The following MEF2C variants were observed in gnomAD, a reference collection of about 807,000 sequenced individuals.
MEF2C encodes the protein myocyte-specific enhancer factor 2C.
MEF2C carries 6 observed loss-of-function variants against 50.5 expected under a neutral mutation model. The observed-to-expected ratio is 0.12, with a 90% CI of 0.07 to 0.23. The LOEUF (loss-of-function observed/expected upper bound fraction) is 0.23. Among genes scored for constraint, MEF2C ranks in the 10% least tolerant of loss-of-function variants. The probability of loss-of-function intolerance (pLI) is 1.00; values close to 1 mark genes in which losing one functional copy is unlikely to be tolerated. For synonymous variants in MEF2C, 183 were observed against 228.0 expected, an observed-to-expected ratio of 0.80 and a Z score of 1.78; for missense variants, 276 against 605.0, an observed-to-expected ratio of 0.46 and a Z score of 5.70.
chr5:88,768,729 T>C (rs1184715648), intron 3 of MEF2C: 1 of 983,662 alleles, frequency 1.0e-6, no homozygotes, highest in Admixed American at 6.2e-5. Context: ...CTCAGTGCAG[T>C]ATTTTGCAAC....
At chr5:88,735,640 G>A (rs1763758369) in intron 6 of MEF2C, 4 of 983,956 alleles carry the variant, frequency 4.1e-6, no homozygotes, top group Non-Finnish European at 4.8e-6. Context: ...CTGGTTACAA[G>A]TTTGTATATA....
chr5:88,896,902 A>C (rs1175329244), intron 1 of MEF2C, among the ~76,000 whole-genome samples: 2 of 151,140 alleles, frequency 1.3e-5, no homozygotes. Flanking sequence ...TTTCATTTTC[A>C]AGTTGTAAAT....
chr5:88,844,013 T>C (rs910488266), intron 1 of MEF2C, among the ~76,000 whole-genome samples: 1 of 152,172 alleles, frequency 6.6e-6, no homozygotes, highest in African/African-American at 2.4e-5. Flanking sequence ...GGTTTCACCA[T>C]GTTGGCCATG....
At chr5:88,740,677 C>CAA (rs756482590) in intron 6 of MEF2C, 182 of 784,888 alleles carry the variant, frequency 2.3e-4, no homozygotes, top group South Asian at 6.4e-4. Context: ...GTCTCCAGTA[C>CAA]AAAAAAAAAA....
chr5:88,869,286 T>TAC (rs1828631870), intron 1 of MEF2C, among the ~76,000 whole-genome samples: 9 of 85,992 alleles, frequency 1.0e-4, no homozygotes, highest in African/African-American at 4.3e-4. Context: ...TACATATATA[T>TAC]ATATATATAC....
intron 3 of MEF2C, among the ~76,000 whole-genome samples, chr5:88,768,973 C>T (rs1781207300): frequency 6.6e-6 from 1 of 152,096 alleles, no homozygotes. Context: ...TAGACACCCT[C>T]AGAAAAACTG....
At chr5:88,748,715 G>A in intron 6 of MEF2C, 1 of 932,480 alleles carries the variant, frequency 1.1e-6, no homozygotes, top group Non-Finnish European at 1.3e-6. Context: ...GCTGGAAAAT[G>A]ATTCATATTT....
At chr5:88,739,517 A>G (rs1381344570) in intron 6 of MEF2C, 18 of 979,010 alleles carry the variant, frequency 1.8e-5, no homozygotes, top group Non-Finnish European at 2.2e-5. Context: ...TCAAATGAAC[A>G]TACATCTTTT....
chr5:88,893,407 G>C (rs1024656221), intron 1 of MEF2C, among the ~76,000 whole-genome samples: 2 of 151,120 alleles, frequency 1.3e-5, no homozygotes, highest in Non-Finnish European at 2.9e-5. Flanking sequence ...GCCTCCCATA[G>C]AGATGGGGTT....
intron 3 of MEF2C, among the ~76,000 whole-genome samples, chr5:88,771,228 G>C (rs1782270359): frequency 3.9e-5 from 6 of 152,220 alleles, no homozygotes; most frequent in Admixed American, 3.9e-4. Context: ...TCAGGATACA[G>C]CCAAACTATA....
chr5:88,766,415 T>G (rs1474956264), intron 3 of MEF2C, among the ~76,000 whole-genome samples: 1 of 152,196 alleles, frequency 6.6e-6, no homozygotes, highest in Non-Finnish European at 1.5e-5. Flanking sequence ...AATTTTTTCC[T>G]TTTATTCTTT....
rs1217742416 is a variant in MEF2C, at chr5:88,722,239, G to A, written c.*365C>T. On this transcript the variant is annotated 3_prime_UTR_variant, in exon 11 of 11. Coordinates refer to ENST00000504921, the MANE Select transcript of MEF2C (RefSeq NM_002397.5). ...CTCTCTCTTTCAGTAAAGATCTGCCGCTTTTGGCAAATGTTTCCTTTTGTC... is the reference window on the plus strand; with the variant it reads ...CTCTCTCTTTCAGTAAAGATCTGCCACTTTTGGCAAATGTTTCCTTTTGTC... 6 of 176,918 alleles carry A rather than the reference G, an allele frequency of 3.4e-5. No individual in the cohort carries two copies. The highest frequency in any genetic ancestry group is 1.5e-4 in the East Asian group (1 of 6,698). The allele number at this position is 176,918 out of a possible 1,614,324, so 11.0% of individuals were successfully genotyped here. A position where few individuals can be genotyped will look rare whatever the true frequency, so the allele number is the denominator to read the frequency against.
intron 6 of MEF2C, chr5:88,738,650 T>A: frequency 1.0e-6 from 1 of 985,360 alleles, no homozygotes; most frequent in Non-Finnish European, 1.2e-6. Flanking sequence ...AAAGCCTTTC[T>A]ATGTCGAGTC....
chr5:88,886,162 C>A (rs1383036535), upstream of MEF2C, among the ~76,000 whole-genome samples: 4 of 152,150 alleles, frequency 2.6e-5, no homozygotes, highest in African/African-American at 9.6e-5. Flanking sequence ...AGTTTTCTTC[C>A]CATGAGCCTT....
intron 1 of MEF2C, among the ~76,000 whole-genome samples, chr5:88,860,141 T>C (rs1824994217): frequency 1.3e-5 from 2 of 152,152 alleles, no homozygotes; most frequent in Admixed American, 1.3e-4. Context: ...AACAGTTTCT[T>C]TTACATAATG....
chr5:88,790,411 C>T (rs554328244), intron 3 of MEF2C, among the ~76,000 whole-genome samples: 1 of 152,208 alleles, frequency 6.6e-6, no homozygotes, highest in Non-Finnish European at 1.5e-5. Flanking sequence ...CTGCCCTATA[C>T]CCACTGAGTT....
chr5:88,814,038 T>C (rs1259541503), intron 2 of MEF2C, among the ~76,000 whole-genome samples: 1 of 152,068 alleles, frequency 6.6e-6, no homozygotes, highest in East Asian at 1.9e-4. Context: ...AGTTCACAGA[T>C]ACAATACACT....
chr5:88,827,147 C>A (rs1811224521), intron 1 of MEF2C: 1 of 151,928 alleles, frequency 6.6e-6, no homozygotes, highest in South Asian at 2.1e-4. Flanking sequence ...TTCTTCTGGA[C>A]AGATGCTAAA....
At position 88,718,994 on chromosome 5, in the gene MEF2C, C is replaced by T. The variant is rs534305398; in HGVS notation, c.*3610G>A. The T allele has an allele frequency of 6.6e-6, 1 of 152,278 alleles. No homozygotes were observed. Among genetic ancestry groups the T allele is most frequent in the African/African-American group, 2.4e-5 (1 of 41,560 alleles). 9.4% of individuals were successfully genotyped at this position (152,278 alleles called of 1,614,324 possible). A position where few individuals can be genotyped will look rare whatever the true frequency, so the allele number is the denominator to read the frequency against. ...GATGAAGTATGCCATGCTTAGGCAA[C>T]AGCCTTTATTGAGGGTTCAAGTGGC... On this transcript the variant is annotated 3_prime_UTR_variant, in exon 11 of 11. Transcript: ENST00000504921.
Sources: allele counts gnomAD v4.1 joint callset (sites outside exome capture counted in the v4.1 genomes callset), GRCh38; gene constraint gnomAD v4.1.1; transcripts MANE v1.5; gene names NCBI Gene and HGNC (gene_info 2026-07-23, HGNC 2026-07-21).